NR2C1: variants seen among roughly 807,000 people sequenced by gnomAD.
The protein encoded by NR2C1 is TR2 nuclear hormone receptor.
In NR2C1, 33 loss-of-function variants were observed where a neutral mutation model predicts 74.8. That is an observed-to-expected ratio of 0.44 (90% CI 0.33 to 0.59). The LOEUF (loss-of-function observed/expected upper bound fraction) is 0.59, where lower values mean the gene tolerates loss of function less well. NR2C1 is among the 20% of genes least tolerant of loss of function. The pLI is 0.02. For missense variants in NR2C1, 568 were observed against 715.6 expected (o/e 0.79, Z 2.35); for synonymous variants, 225 against 240.6 (o/e 0.94, Z 0.60).
At chr12:95,027,438 T>C (rs1172514508) in intron 12 of NR2C1, among the ~76,000 whole-genome samples, 1 of 152,118 alleles carries the variant, frequency 6.6e-6, no homozygotes, top group Non-Finnish European at 1.5e-5. Flanking sequence ...AATTCACCAA[T>C]TTAAAGTATA....
chr12:95,061,462 CTACT>C (rs1423500720), intron 3 of NR2C1, among the ~76,000 whole-genome samples: 2 of 152,252 alleles, frequency 1.3e-5, no homozygotes, highest in East Asian at 1.9e-4. Context: ...ATCAAGTCTA[CTACT>C]TAAAGAAAAA....
At chr12:95,060,200 A>G (rs1874579854) in intron 3 of NR2C1, among the ~76,000 whole-genome samples, 1 of 152,164 alleles carries the variant, frequency 6.6e-6, no homozygotes, top group Admixed American at 6.5e-5. Flanking sequence ...ATAAAGAGAT[A>G]ACTCTAAACC....
chr12:95,046,370 G>T (rs1248973726), intron 9 of NR2C1, among the ~76,000 whole-genome samples: 2 of 152,168 alleles, frequency 1.3e-5, no homozygotes, highest in African/African-American at 4.8e-5. Context: ...AGGATCACTT[G>T]AGGCCAGGAG....
chr12:95,065,022 A>G (rs1026214936), intron 2 of NR2C1, among the ~76,000 whole-genome samples: 7 of 152,244 alleles, frequency 4.6e-5, no homozygotes, highest in Admixed American at 1.3e-4. Flanking sequence ...GGGTTGAAAC[A>G]TTCTGCTTAA....
chr12:95,059,839 C>A, intron 4 of NR2C1, 67 bp downstream of exon 4: 1 of 1,139,962 alleles, frequency 8.8e-7, no homozygotes, highest in South Asian at 1.4e-5. Flanking sequence ...GTAGTTATTT[C>A]AACAACACGA....
chr12:95,048,428 G>C (rs1872574034), intron 9 of NR2C1, among the ~76,000 whole-genome samples: 1 of 152,164 alleles, frequency 6.6e-6, no homozygotes, highest in South Asian at 2.1e-4. Flanking sequence ...GTGCTGAAAA[G>C]TTATAAAAGC....
intron 5 of NR2C1, 26 bp from the exon 6 acceptor site, chr12:95,057,904 A>C (rs757139599): frequency 5.7e-6 from 9 of 1,588,966 alleles, no homozygotes; most frequent in Non-Finnish European, 7.8e-6. Flanking sequence ...AAACTATTAT[A>C]TCACAATATA....
At chr12:95,069,354 CATATACA>C (rs773444003) in intron 1 of NR2C1, among the ~76,000 whole-genome samples, 10 of 152,134 alleles carry the variant, frequency 6.6e-5, no homozygotes, top group Non-Finnish European at 1.5e-4. Flanking sequence ...AATGAGACTG[CATATACA>C]ATAGCGGTAC....
At chr12:95,067,641 G>A (rs1480950360) in intron 1 of NR2C1, among the ~76,000 whole-genome samples, 1 of 151,224 alleles carries the variant, frequency 6.6e-6, no homozygotes, top group African/African-American at 2.4e-5. Flanking sequence ...ACGGCTCACT[G>A]CAGTCTCAAC....
intron 3 of NR2C1, among the ~76,000 whole-genome samples, chr12:95,060,253 A>C (rs1874587825): frequency 6.6e-6 from 1 of 152,228 alleles, no homozygotes; most frequent in African/African-American, 2.4e-5. Flanking sequence ...CCTTGAGGTA[A>C]TTATAATCAT....
intron 10 of NR2C1, among the ~76,000 whole-genome samples, chr12:95,039,988 G>A (rs1281540015): frequency 6.6e-6 from 1 of 151,822 alleles, no homozygotes; most frequent in African/African-American, 2.4e-5. Context: ...TCATTGTAGT[G>A]GTACTATGAG....
chr12:95,061,997 G>A (rs567758670), intron 3 of NR2C1, among the ~76,000 whole-genome samples: 21 of 152,240 alleles, frequency 1.4e-4, no homozygotes, highest in African/African-American at 5.1e-4. Flanking sequence ...CAACAAAGGA[G>A]GCACAATGTT....
intron 2 of NR2C1, among the ~76,000 whole-genome samples, chr12:95,065,636 T>C (rs532076473): frequency 2.6e-5 from 4 of 152,224 alleles, no homozygotes; most frequent in East Asian, 3.9e-4. Flanking sequence ...TATACTCTTT[T>C]AGTTATTTTA....
chr12:95,057,462 G>T, intron 7 of NR2C1, 91 bp downstream of exon 7: 2 of 904,738 alleles, frequency 2.2e-6, no homozygotes, highest in Non-Finnish European at 1.6e-6. Context: ...GAATATTTAA[G>T]AACAAAGCAA....
intron 1 of NR2C1, among the ~76,000 whole-genome samples, chr12:95,072,468 AAAAAAAG>A (rs1876833855): frequency 1.3e-5 from 2 of 150,692 alleles, no homozygotes; most frequent in Non-Finnish European, 1.5e-5. Flanking sequence ...AAAAAAAAAA[AAAAAAAG>A]AAAAAAAAAT....
intron 1 of NR2C1, among the ~76,000 whole-genome samples, chr12:95,068,274 C>T (rs1271496533): frequency 6.6e-6 from 1 of 152,164 alleles, no homozygotes; most frequent in African/African-American, 2.4e-5. Context: ...GATTACGGTA[C>T]ACTCTAATGA....
intron 11 of NR2C1, chr12:95,030,408 A>G: frequency 1.6e-6 from 2 of 1,276,228 alleles, no homozygotes; most frequent in Non-Finnish European, 2.0e-6. Context: ...CTGAAGCAGA[A>G]TAAAGTTTTA....
chr12:95,035,552 A>G (rs530912478), intron 10 of NR2C1, among the ~76,000 whole-genome samples: 149 of 152,340 alleles, frequency 9.8e-4, no homozygotes, highest in African/African-American at 3.4e-3. Flanking sequence ...AAAAAGGAGT[A>G]TAAGTGCAAA....
chr12:95,063,468 CAA>C (rs537095840), intron 2 of NR2C1, among the ~76,000 whole-genome samples: 25 of 152,188 alleles, frequency 1.6e-4, no homozygotes, highest in South Asian at 1.5e-3. Flanking sequence ...GTAGGCCAAA[CAA>C]AAGTCTAGAT....
Sources: allele counts gnomAD v4.1 joint callset (sites outside exome capture counted in the v4.1 genomes callset), GRCh38; gene constraint gnomAD v4.1.1; transcripts MANE v1.5; gene names NCBI Gene and HGNC (gene_info 2026-07-23, HGNC 2026-07-21).